Variants in KLF5 observed in about 807,000 individuals in gnomAD.
KLF5 encodes KLF transcription factor 5, also known as Krueppel-like factor 5.
In KLF5, 9 loss-of-function variants were observed where a neutral mutation model predicts 36.9. The observed-to-expected ratio is 0.24, with a 90% CI of 0.15 to 0.43. The LOEUF is 0.43. KLF5 is among the 20% of genes least tolerant of loss of function. KLF5 has a pLI of 1.00. For missense variants in KLF5, 524 were observed against 599.5 expected, an observed-to-expected ratio of 0.87 and a Z score of 1.31; for synonymous variants, 246 against 241.7, an observed-to-expected ratio of 1.02 and a Z score of -0.17.
At chr13:73,074,462 T>C (rs1481171116) in intron 3 of KLF5, among the ~76,000 whole-genome samples, 1 of 152,200 alleles carries the variant, frequency 6.6e-6, no homozygotes, top group African/African-American at 2.4e-5. Context: ...AGTAATACTT[T>C]AATATACAAA....
chr13:73,074,393 A>G (rs967194584), intron 3 of KLF5, among the ~76,000 whole-genome samples: 1 of 151,902 alleles, frequency 6.6e-6, no homozygotes, highest in Admixed American at 6.6e-5. Flanking sequence ...AGAAGGAAAC[A>G]TTTTTTTAAG....
rs1446004439 is a variant in KLF5, at chr13:73,061,808, TC to T, written c.262-50del. ...TTAGTAGGCGCCGATTGTTCGTTCT[TC>T]CCGAGATGGTGAATCAGGTGGATTA... On this transcript the variant is annotated intron_variant, in intron 1 of 3. Coordinates refer to ENST00000377687, the MANE Select transcript of KLF5 (RefSeq NM_001730.5). 13 of 1,553,166 alleles carry T rather than the reference TC, an allele frequency of 8.4e-6. No homozygotes were observed. The East Asian group carries it at 1.6e-4, about 19-fold the overall frequency.
At chr13:73,055,455 A>G (rs957613495), upstream of KLF5, among the ~76,000 whole-genome samples, 3 of 152,222 alleles carry the variant, frequency 2.0e-5, no homozygotes, top group African/African-American at 7.2e-5. Flanking sequence ...TGAACAGAGC[A>G]TCTTCTCTCT....
At chr13:73,069,448 A>C (rs1214438222) in intron 3 of KLF5, among the ~76,000 whole-genome samples, 1 of 152,200 alleles carries the variant, frequency 6.6e-6, no homozygotes, top group Non-Finnish European at 1.5e-5. Context: ...AGGAAGTATC[A>C]CATTTATTAG....
intron 3 of KLF5, among the ~76,000 whole-genome samples, chr13:73,073,378 T>C (rs1244982266): frequency 2.0e-5 from 3 of 152,220 alleles, no homozygotes; most frequent in African/African-American, 4.8e-5. Flanking sequence ...CTGAATACTC[T>C]ATAGATGTGC....
chr13:73,075,096 G>A (rs2044750080), intron 3 of KLF5: 1 of 152,144 alleles, frequency 6.6e-6, no homozygotes, highest in Non-Finnish European at 1.5e-5. Context: ...CTCAAAGAGT[G>A]AATGCCCTAA....
Position 73,062,543 on chromosome 13 carries a change from A to C in KLF5, c.944A>C (p.Gln315Pro). The C allele has an allele frequency of 6.2e-7, 1 of 1,614,212 alleles. No individual in the cohort carries two copies. Among genetic ancestry groups the C allele is most frequent in the Middle Eastern group, 1.6e-4 (1 of 6,062 alleles). ...PSSEPGSPDR[Q>P]AEMLQNLTPP... is the part of the protein sequence containing the mutation. ...TCAGAGCCTGGAAGTCCAGATAGAC[A>C]AGCAGAGATGCTCCAGAATTTAACC... The change falls in exon 2 of 4, where the codon CAA becomes CCA. Residue 315 changes from glutamine to proline, a missense_variant. By Grantham distance (76) the Gln-to-Pro change is moderately conservative. Around this residue, in one of 4 missense-constraint regions of KLF5, gnomAD observed 454 missense variants for 458.1 expected, o/e 0.99. Coordinates refer to ENST00000377687, the MANE Select transcript of KLF5 (RefSeq NM_001730.5).
At chr13:73,066,822 ATTTC>A (rs1350015521) in intron 3 of KLF5, among the ~76,000 whole-genome samples, 7 of 152,200 alleles carry the variant, frequency 4.6e-5, no homozygotes, top group African/African-American at 1.7e-4. Flanking sequence ...ATATACTTTG[ATTTC>A]TTTATCAGGA....
intron 3 of KLF5, among the ~76,000 whole-genome samples, chr13:73,066,626 C>A (rs1333471586): frequency 6.6e-6 from 1 of 152,216 alleles, no homozygotes; most frequent in Non-Finnish European, 1.5e-5. Flanking sequence ...AAACAGCCTA[C>A]ATCTGAGTTT....
Position 73,059,081 on chromosome 13 carries a change from G to A in KLF5, c.-247G>A, listed in dbSNP as rs1423188097. The A allele has an allele frequency of 8.4e-6, 3 of 356,052 alleles. No individual in the cohort carries two copies. Among genetic ancestry groups the A allele is most frequent in the Non-Finnish European group, 1.5e-5 (3 of 199,540 alleles). The allele number at this position is 356,052 out of a possible 1,614,324, so 22.1% of individuals were successfully genotyped here. A position where few individuals can be genotyped will look rare whatever the true frequency, so the allele number is the denominator to read the frequency against. ...GGCGGGAGCGGGCTCCGGAGAGCCT[G>A]AGAGCACGGTGGGGCGGGGCGGGAG... On this transcript the variant is annotated 5_prime_UTR_variant, in exon 1 of 4. Coordinates refer to ENST00000377687, the MANE Select transcript of KLF5 (RefSeq NM_001730.5).
intron 3 of KLF5, among the ~76,000 whole-genome samples, chr13:73,067,535 A>G (rs1483983922): frequency 1.3e-5 from 2 of 152,240 alleles, no homozygotes; most frequent in Admixed American, 6.5e-5. Context: ...CTTAGAGAAT[A>G]TGGAAAAGCT....
At chr13:73,067,787 G>A (rs1211444099) in intron 3 of KLF5, among the ~76,000 whole-genome samples, 2 of 151,780 alleles carry the variant, frequency 1.3e-5, no homozygotes, top group African/African-American at 4.8e-5. Context: ...AAACACGCCC[G>A]TAGGAGAAAA....
chr13:73,072,716 G>A (rs1349332898), intron 3 of KLF5, among the ~76,000 whole-genome samples: 1 of 152,188 alleles, frequency 6.6e-6, no homozygotes, highest in Non-Finnish European at 1.5e-5. Context: ...TGGAGTATGT[G>A]CTCCATGGCT....
intron 1 of KLF5, among the ~76,000 whole-genome samples, chr13:73,060,355 C>A (rs947204213): frequency 6.6e-6 from 1 of 151,894 alleles, no homozygotes; most frequent in African/African-American, 2.4e-5. Context: ...TTTAGCCTGT[C>A]CCAAGGAAAA....
intron 3 of KLF5, among the ~76,000 whole-genome samples, chr13:73,066,743 T>C (rs1463149449): frequency 2.0e-5 from 3 of 152,180 alleles, no homozygotes; most frequent in Non-Finnish European, 2.9e-5. Context: ...TTAAGTAATC[T>C]GAGATGACAG....
chr13:73,059,537 G>C lies in KLF5; in HGVS notation c.210G>C (p.Pro70=), dbSNP rs2044613994. 8.4e-7 allele frequency: 1 copy of C among 1,186,464 alleles called. No homozygotes were observed. The highest frequency in any genetic ancestry group is 1.0e-6 in the Non-Finnish European group (1 of 962,748). The allele number at this position is 1,186,464 out of a possible 1,614,324, so 73.5% of individuals were successfully genotyped here. Residue 70 remains proline, a synonymous_variant, in exon 1 of 4, where the codon CCG becomes CCC. Coordinates refer to ENST00000377687, the MANE Select transcript of KLF5 (RefSeq NM_001730.5). The part of the protein sequence containing the change: ...AQPAPAQAPQ[P]AQPPATGPRL... ...CCGCGCCCGCGCAGGCCCCGCAGCC[G>C]GCCCAGCCGCCCGCCACCGGCCCGC...
At chr13:73,055,552 C>A (rs1385276023), upstream of KLF5, among the ~76,000 whole-genome samples, 1 of 152,000 alleles carries the variant, frequency 6.6e-6, no homozygotes, top group Non-Finnish European at 1.5e-5. Context: ...TCCTTAATGA[C>A]TTTTTTTCTG....
chr13:73,063,983 C>CTTTTTTTTTTTTTTT lies in KLF5; in HGVS notation c.1195+103_1195+104insTTTTTTTTTTTTTTT, dbSNP rs67730943. On this transcript the variant is annotated intron_variant, in intron 3 of 3. Transcript: ENST00000377687. ...CGTGTTTGATCTCTTCTCCTGTCAACTTTGTTTTTTTTTTTTTTTTTAAAT... is the reference window on the plus strand; with the variant it reads ...CGTGTTTGATCTCTTCTCCTGTCAACTTTTTTTTTTTTTTTTTTGTTTTTTTTTTTTTTTTTAAAT... 2 of 332,714 alleles carry CTTTTTTTTTTTTTTT rather than the reference C, an allele frequency of 6.0e-6. 1 individual carries two copies. The highest frequency in any genetic ancestry group is 1.1e-5 in the Non-Finnish European group (2 of 188,724). The allele number at this position is 332,714 out of a possible 1,614,324, so 20.6% of individuals were successfully genotyped here. A position where few individuals can be genotyped will look rare whatever the true frequency, so the allele number is the denominator to read the frequency against.
At chr13:73,064,744 A>G (rs538702199) in intron 3 of KLF5, among the ~76,000 whole-genome samples, 1 of 152,232 alleles carries the variant, frequency 6.6e-6, no homozygotes, top group South Asian at 2.1e-4. Flanking sequence ...GGGTTTCACC[A>G]TGTTGGCCAG....
Sources: allele counts gnomAD v4.1 joint callset (sites outside exome capture counted in the v4.1 genomes callset), GRCh38; gene constraint gnomAD v4.1.1; regional missense constraint gnomAD v4.1.1; transcripts MANE v1.5; gene names NCBI Gene and HGNC (gene_info 2026-07-23, HGNC 2026-07-21).